Variants in LARGE1 observed in about 807,000 individuals in gnomAD.
LARGE1 encodes the protein LARGE xylosyl- and glucuronyltransferase 1, also known as xylosyl- and glucuronyltransferase LARGE1.
A neutral mutation model predicts 87.6 loss-of-function variants in LARGE1; 43 were observed. That is an observed-to-expected ratio of 0.49 (90% CI 0.38 to 0.63). The LOEUF (loss-of-function observed/expected upper bound fraction) is 0.63, where lower values mean the gene tolerates loss of function less well. Among genes scored for constraint, LARGE1 ranks in the 30% least tolerant of loss-of-function variants. The pLI, the probability that LARGE1 is intolerant of heterozygous loss-of-function variation, is 0.00. For synonymous variants in LARGE1, 434 were observed against 394.6 expected, an observed-to-expected ratio of 1.10 and a Z score of -1.18; for missense variants, 802 against 1,000.2, an observed-to-expected ratio of 0.80 and a Z score of 2.67.
intron 11 of LARGE1, among the ~76,000 whole-genome samples, chr22:33,218,185 C>T (rs1925298540): frequency 6.6e-6 from 1 of 152,210 alleles, no homozygotes; most frequent in African/African-American, 2.4e-5. Flanking sequence ...CCACCTCGGC[C>T]TCCCAAAGTG....
chr22:33,283,278 G>C lies in LARGE1; in HGVS notation c.1801C>G (p.Arg601Gly). The C allele has an allele frequency of 6.2e-7, 1 of 1,614,152 alleles. No individual in the cohort carries two copies. The highest frequency in any genetic ancestry group is 8.5e-7 in the Non-Finnish European group (1 of 1,180,016). The change falls in exon 13 of 15, where the codon CGC (arginine) becomes GGC (glycine). Residue 601 changes from arginine to glycine, a missense_variant. Physicochemically the swap from Arg to Gly is moderately radical, Grantham distance 125 (BLOSUM62 -2). Transcript: ENST00000397394. ...AMIVPAFETLRYRLSFPKSKA... is the reference protein window; with the variant it reads ...AMIVPAFETLGYRLSFPKSKA... The stretch of plus-strand genomic sequence containing the variant: ...GACTTGGGGAAGGACAGCCGGTAGC[G>C]CAGTGTCTCGAACGCGGGGACAATC...
At chr22:33,740,320 T>C (rs1162862668) in intron 2 of LARGE1, among the ~76,000 whole-genome samples, 1 of 152,228 alleles carries the variant, frequency 6.6e-6, no homozygotes, top group Non-Finnish European at 1.5e-5. Context: ...TTATAGCAAG[T>C]ATGCTAAATG....
At chr22:33,289,059 C>T (rs980082041) in intron 12 of LARGE1, among the ~76,000 whole-genome samples, 3 of 152,068 alleles carry the variant, frequency 2.0e-5, no homozygotes, top group South Asian at 2.1e-4. Context: ...CCCGGGTTCA[C>T]GCCATTCTCC....
chr22:33,606,061 G>A (rs1187947555), intron 4 of LARGE1, among the ~76,000 whole-genome samples: 2 of 152,118 alleles, frequency 1.3e-5, no homozygotes, highest in East Asian at 3.9e-4. Context: ...GGCTTAGTAG[G>A]GCTCCAGGGT....
At chr22:33,454,606 A>T (rs2068057779) in intron 6 of LARGE1, among the ~76,000 whole-genome samples, 2 of 146,870 alleles carry the variant, frequency 1.4e-5, no homozygotes, top group African/African-American at 5.1e-5. Context: ...TGACAGAGCA[A>T]GACTCTGTCT....
At chr22:33,241,582 ATG>A (rs1179995842) in intron 11 of LARGE1, among the ~76,000 whole-genome samples, 14 of 151,922 alleles carry the variant, frequency 9.2e-5, no homozygotes, top group African/African-American at 2.7e-4. Flanking sequence ...ATGTGTGTAT[ATG>A]TGTGTGTATA....
At chr22:33,820,743 T>C (rs892303548) in intron 1 of LARGE1, among the ~76,000 whole-genome samples, 1 of 152,218 alleles carries the variant, frequency 6.6e-6, no homozygotes, top group African/African-American at 2.4e-5. Flanking sequence ...AATGCTACCA[T>C]TTGATTCACC....
chr22:33,289,536 C>T (rs1000314953), intron 12 of LARGE1, among the ~76,000 whole-genome samples: 4 of 152,162 alleles, frequency 2.6e-5, no homozygotes. Flanking sequence ...GTCCCCTTCC[C>T]CTGTCACAGC....
intron 2 of LARGE1, among the ~76,000 whole-genome samples, chr22:33,719,035 C>T (rs969741005): frequency 6.6e-6 from 1 of 152,084 alleles, no homozygotes; most frequent in Non-Finnish European, 1.5e-5. Context: ...GTGATCCACC[C>T]GCCTCAGCCT....
chr22:33,475,379 T>G (rs1018750331), intron 6 of LARGE1, among the ~76,000 whole-genome samples: 2 of 152,164 alleles, frequency 1.3e-5, no homozygotes, highest in African/African-American at 4.8e-5. Context: ...AGAAAATGTT[T>G]AGACCAGTTC....
intron 1 of LARGE1, among the ~76,000 whole-genome samples, chr22:33,846,771 A>C (rs2063444108): frequency 6.6e-6 from 1 of 152,182 alleles, no homozygotes. Flanking sequence ...CCAGTCTCCC[A>C]TAGCGCTCCC....
intron 6 of LARGE1, among the ~76,000 whole-genome samples, chr22:33,556,558 G>C (rs1387291267): frequency 9.8e-6 from 1 of 102,104 alleles, no homozygotes; most frequent in Non-Finnish European, 2.2e-5. Flanking sequence ...GAGGGAGGGA[G>C]GGAGGGAGGC....
intron 9 of LARGE1, among the ~76,000 whole-genome samples, chr22:33,351,895 C>T (rs936697242): frequency 2.6e-5 from 4 of 151,992 alleles, no homozygotes; most frequent in African/African-American, 9.7e-5. Context: ...CGCGCCACCA[C>T]ACCCAGCTAA....
chr22:33,850,906 T>TA (rs933832420), intron 1 of LARGE1, among the ~76,000 whole-genome samples: 28 of 151,060 alleles, frequency 1.9e-4, no homozygotes, highest in African/African-American at 2.9e-4. Context: ...TAACCGGTCT[T>TA]AAAAAAAAAG....
At chr22:33,774,651 C>G (rs1156776848) in intron 1 of LARGE1, among the ~76,000 whole-genome samples, 1 of 152,194 alleles carries the variant, frequency 6.6e-6, no homozygotes, top group Non-Finnish European at 1.5e-5. Context: ...AGCCACTATG[C>G]CCAGCCAGAC....
chr22:33,743,975 T>G (rs1348644050), intron 2 of LARGE1: 1 of 152,188 alleles, frequency 6.6e-6, no homozygotes, highest in Non-Finnish European at 1.5e-5. Flanking sequence ...ACTCAGCCAC[T>G]CTCAGTTCTC....
At chr22:33,178,187 C>T (rs1293623644) in intron 11 of LARGE1, among the ~76,000 whole-genome samples, 1 of 152,098 alleles carries the variant, frequency 6.6e-6, no homozygotes, top group Non-Finnish European at 1.5e-5. Context: ...CTAGGATCAC[C>T]AGGGCCAAAT....
chr22:33,403,755 C>T (rs1281490057), intron 7 of LARGE1, among the ~76,000 whole-genome samples: 1 of 152,094 alleles, frequency 6.6e-6, no homozygotes. Flanking sequence ...AAGTGCCTGC[C>T]ACCACGCCTG....
intron 6 of LARGE1, among the ~76,000 whole-genome samples, chr22:33,520,116 C>A (rs1034492552): frequency 9.2e-5 from 14 of 151,388 alleles, no homozygotes; most frequent in Admixed American, 2.6e-4. Flanking sequence ...GCAATCCTCC[C>A]TCTTCAGCCT....
Sources: allele counts gnomAD v4.1 joint callset (sites outside exome capture counted in the v4.1 genomes callset), GRCh38; gene constraint gnomAD v4.1.1; transcripts MANE v1.5; gene names NCBI Gene and HGNC (gene_info 2026-07-23, HGNC 2026-07-21).